The following A2ML1 variants were observed in gnomAD, a reference collection of about 807,000 sequenced individuals.
A2ML1 encodes alpha-2-macroglobulin like 1.
In A2ML1, 161 loss-of-function variants were observed where a neutral mutation model predicts 181.9. The observed-to-expected ratio is 0.89, with a 90% CI of 0.78 to 1.01. The LOEUF (loss-of-function observed/expected upper bound fraction) is 1.01, where lower values mean the gene tolerates loss of function less well. A2ML1 is among the 50% of genes least tolerant of loss of function. The probability of loss-of-function intolerance (pLI) is 0.00; values close to 1 mark genes in which losing one functional copy is unlikely to be tolerated. For synonymous variants in A2ML1, 663 were observed against 666.8 expected, an observed-to-expected ratio of 0.99 and a Z score of 0.09; for missense variants, 1,670 against 1,768.1, an observed-to-expected ratio of 0.94 and a Z score of 1.00.
chr12:8,859,105 C>G (rs950654508), intron 26 of A2ML1, among the ~76,000 whole-genome samples: 4 of 151,846 alleles, frequency 2.6e-5, no homozygotes, highest in Non-Finnish European at 5.9e-5. Context: ...CAGTTGCACT[C>G]CAGAGGCACT....
intron 23 of A2ML1, among the ~76,000 whole-genome samples, chr12:8,856,417 T>G (rs1944064049): frequency 1.3e-5 from 2 of 152,236 alleles, no homozygotes; most frequent in African/African-American, 4.8e-5. Flanking sequence ...TGCAACATAG[T>G]TGACATTCAG....
chr12:8,829,192 G>A lies in A2ML1; in HGVS notation c.410-535G>A, dbSNP rs1218098600. ...TTGTTCAGTTTGGTGTTACTGTGGG[G>A]GATGAGGAGGGTGGTCAATGGAGGC... is the stretch of plus-strand genomic sequence containing the variant. On this transcript the variant is annotated intron_variant, in intron 3 of 35. Coordinates refer to ENST00000299698, the MANE Select transcript of A2ML1 (RefSeq NM_144670.6). 2.6e-5 allele frequency among the ~76,000 whole-genome samples: 4 copies of A among 152,268 alleles called. No homozygotes were observed. The East Asian group carries it at 7.7e-4, about 29-fold the overall frequency.
chr12:8,845,058 A>G lies in A2ML1; in HGVS notation c.1477-384A>G, dbSNP rs543059382. On this transcript the variant is annotated intron_variant, in intron 12 of 35. Transcript: ENST00000299698. ...ATGAAATTATTTCCACTGAATTTTA[A>G]ATTGAGCTGTAATTAAAAAACACTT... The G allele has an allele frequency of 2.1e-6, 3 of 1,432,942 alleles. No homozygotes were observed. The South Asian group carries it at 4.6e-5, about 22-fold the overall frequency. The allele number at this position is 1,432,942 out of a possible 1,614,324, so 88.8% of individuals were successfully genotyped here.
Position 8,861,301 on chromosome 12 carries a change from T to C in A2ML1, c.3502+4T>C. On this transcript the variant is annotated splice_donor_region_variant and intron_variant, in intron 28 of 35. Transcript: ENST00000299698. Reference sequence around the variant, plus strand: ...GATCAACAGGCTATCATCTCAGGTATGTTGGTCCTGTTGAGAGTTCTTTGA... The same window carrying C: ...GATCAACAGGCTATCATCTCAGGTACGTTGGTCCTGTTGAGAGTTCTTTGA... The C allele has an allele frequency of 2.5e-6, 4 of 1,613,740 alleles. No homozygotes were observed. The highest frequency in any genetic ancestry group is 2.2e-5 in the East Asian group (1 of 44,868).
chr12:8,846,208 T>C lies in A2ML1; in HGVS notation c.1669T>C (p.Cys557Arg), dbSNP rs1283119936. Reference protein sequence around the residue: ...ADKIQFSVEMCFDNQVSLGFS... With the variant: ...ADKIQFSVEMRFDNQVSLGFS... ...CAAAATTCAGTTCTCAGTCGAGATG[T>C]GCTTTGACAATCAGGTAAAATGATA... Residue 557 changes from cysteine (C) to arginine (R), a missense_variant, in exon 14 of 36, where the codon TGC becomes CGC. Physicochemically the swap from Cys to Arg is radical, Grantham distance 180. Transcript: ENST00000299698. The C allele has an allele frequency of 3.7e-6, 6 of 1,614,178 alleles. No individual in the cohort carries two copies. Among genetic ancestry groups the C allele is most frequent in the Non-Finnish European group, 4.2e-6 (5 of 1,180,004 alleles).
intron 33 of A2ML1, among the ~76,000 whole-genome samples, chr12:8,871,474 G>GT (rs150812313): frequency 6.6e-6 from 1 of 152,082 alleles, no homozygotes; most frequent in South Asian, 2.1e-4. Context: ...GTTTTTGTTT[G>GT]TTTGTTTAGT....
At chr12:8,887,442 G>A (rs1944932701), downstream of A2ML1, among the ~76,000 whole-genome samples, 1 of 152,178 alleles carries the variant, frequency 6.6e-6, no homozygotes, top group Non-Finnish European at 1.5e-5. Flanking sequence ...AGATAAGCAT[G>A]AGTCGCAAGA....
intron 7 of A2ML1, 30 bp downstream of exon 7, chr12:8,836,369 G>C: frequency 6.4e-7 from 1 of 1,569,496 alleles, no homozygotes. Flanking sequence ...ATCTGGTGGA[G>C]ATTAAAGATG....
At chr12:8,870,299 G>C (rs780020650) in intron 33 of A2ML1, among the ~76,000 whole-genome samples, 74 of 151,692 alleles carry the variant, frequency 4.9e-4, no homozygotes, top group Admixed American at 1.1e-3. Flanking sequence ...ACGCAGTCTC[G>C]CTCTGTCACC....
chr12:8,857,621 C>T (rs1337861615), intron 25 of A2ML1, 33 bp downstream of exon 25: 1 of 1,592,396 alleles, frequency 6.3e-7, no homozygotes. Context: ...GAGTTCTGTA[C>T]TCCAGAGCAT....
At chr12:8,844,501 A>C (rs755905027) in intron 12 of A2ML1, among the ~76,000 whole-genome samples, 1 of 152,304 alleles carries the variant, frequency 6.6e-6, no homozygotes, top group African/African-American at 2.4e-5. Flanking sequence ...AAATAAAATC[A>C]TAACTTGGTA....
At position 8,872,658 on chromosome 12, in the gene A2ML1, C is replaced by A. The variant is rs142948982; in HGVS notation, c.4222-1767C>A. 4.0e-3 allele frequency among the ~76,000 whole-genome samples: 610 copies of A among 151,686 alleles called. 5 individuals are homozygous for A. Among genetic ancestry groups the A allele is most frequent in the African/African-American group, 0.014 (590 of 41,364 alleles). ...AATTAGCTGGGCATGGTTGTGCGTGCCGGTAGTCCCAGCTACTTGAGAGGC... is the reference window on the plus strand; with the variant it reads ...AATTAGCTGGGCATGGTTGTGCGTGACGGTAGTCCCAGCTACTTGAGAGGC... On this transcript the variant is annotated intron_variant, in intron 33 of 35. Coordinates refer to ENST00000299698, the MANE Select transcript of A2ML1 (RefSeq NM_144670.6).
At chr12:8,872,999 T>A (rs1164996435) in intron 33 of A2ML1, among the ~76,000 whole-genome samples, 4 of 152,226 alleles carry the variant, frequency 2.6e-5, no homozygotes, top group Non-Finnish European at 5.9e-5. Context: ...TTTATTTTTT[T>A]AAATCACTTT....
chr12:8,826,102 ATTTT>A (rs199982162), intron 3 of A2ML1, among the ~76,000 whole-genome samples: 2 of 151,940 alleles, frequency 1.3e-5, no homozygotes, highest in African/African-American at 4.8e-5. Context: ...AAATTTTATG[ATTTT>A]TTTTACAAAA....
At chr12:8,843,064 CG>C in intron 11 of A2ML1, 69 bp from the exon 12 acceptor site, 3 of 1,388,716 alleles carry the variant, frequency 2.2e-6, no homozygotes, top group Non-Finnish European at 3.0e-6. Context: ...ATTTGAAAAC[CG>C]TAACAAGTCC....
intron 12 of A2ML1, 71 bp downstream of exon 12, chr12:8,843,432 G>T (rs1309075986): frequency 6.9e-7 from 1 of 1,449,566 alleles, no homozygotes; most frequent in Non-Finnish European, 9.4e-7. Context: ...TCAGCCAGAG[G>T]GTGCACCTAG....
chr12:8,828,066 G>A (rs778887242), intron 3 of A2ML1, among the ~76,000 whole-genome samples: 5 of 152,188 alleles, frequency 3.3e-5, no homozygotes, highest in African/African-American at 7.2e-5. Flanking sequence ...AGCCAGCACC[G>A]TACTGTGTCT....
At chr12:8,858,733 G>A (rs915895860) in intron 26 of A2ML1, among the ~76,000 whole-genome samples, 2 of 152,092 alleles carry the variant, frequency 1.3e-5, no homozygotes, top group Non-Finnish European at 2.9e-5. Flanking sequence ...GGGAGGGTGG[G>A]CCAGAAATTT....
chr12:8,831,247 C>T (rs1015885613), intron 4 of A2ML1, among the ~76,000 whole-genome samples: 1 of 152,088 alleles, frequency 6.6e-6, no homozygotes, highest in Non-Finnish European at 1.5e-5. Flanking sequence ...CCACTGCACC[C>T]GGCCTGAGTG....
Sources: gnomAD v4.1 joint callset for allele counts (sites outside exome capture counted in the v4.1 genomes callset) on GRCh38, gnomAD v4.1.1 for gene constraint, MANE v1.5 for transcripts, NCBI Gene and HGNC (gene_info 2026-07-23, HGNC 2026-07-21) for gene names.